Variants in TOMM6 observed in about 807,000 individuals in gnomAD.
TOMM6 encodes the protein translocase of outer mitochondrial membrane 6.
Under a neutral mutation model 6.0 loss-of-function variants are expected in TOMM6, and 6 were observed. The ratio of observed to expected loss-of-function variants is 1.00; its 90% confidence interval spans 0.55 to 1.98. The LOEUF is 1.98. Among genes scored for constraint, TOMM6 ranks in the 30% most tolerant of loss-of-function variants. The pLI is 0.00. For missense variants in TOMM6, 104 were observed against 95.3 expected, an observed-to-expected ratio of 1.09 and a Z score of -0.38; for synonymous variants, 44 against 36.3, an observed-to-expected ratio of 1.21 and a Z score of -0.76.
In TOMM6 at chr6:41,789,216, C is replaced by CA; in HGVS notation, c.129-15dup. ...CTCAGTGACCACAGGGTTAATAAAACACATTGTTTTTCCAGGAACTTGATA... is the reference window on the plus strand; with the variant it reads ...CTCAGTGACCACAGGGTTAATAAAACAACATTGTTTTTCCAGGAACTTGATA... On this transcript the variant is annotated splice_polypyrimidine_tract_variant and intron_variant, in intron 1 of 2. Transcript: ENST00000398881. 6.5e-7 allele frequency: 1 copy of CA among 1,548,862 alleles called. No homozygotes were observed. Among genetic ancestry groups the CA allele is most frequent in the Non-Finnish European group, 8.7e-7 (1 of 1,145,804 alleles).
chr6:41,788,366 G>C (rs1388883674), intron 1 of TOMM6, among the ~76,000 whole-genome samples: 1 of 142,834 alleles, frequency 7.0e-6, no homozygotes, highest in Non-Finnish European at 1.5e-5. Context: ...GGATGGTCTC[G>C]ATCTCCTGAC....
In TOMM6 at chr6:41,789,721, A is replaced by G; in HGVS notation, c.*162A>G. 1 of 215,910 alleles carries G rather than the reference A, an allele frequency of 4.6e-6. No individual in the cohort carries two copies. Among genetic ancestry groups the G allele is most frequent in the Non-Finnish European group, 9.6e-6 (1 of 103,954 alleles). The allele number at this position is 215,910 out of a possible 1,614,324, so 13.4% of individuals were successfully genotyped here. The stretch of plus-strand genomic sequence containing the variant: ...TAGTTTCCTTTTGTTCCTTGAGTCC[A>G]CGCAGAATTCCATTCTCTGGTCAGC... On this transcript the variant is annotated 3_prime_UTR_variant, in exon 3 of 3. Transcript: ENST00000398881.
At chr6:41,789,043 C>T (rs1467979930) in intron 1 of TOMM6, among the ~76,000 whole-genome samples, 189 bp from the exon 2 acceptor site, 2 of 152,260 alleles carry the variant, frequency 1.3e-5, no homozygotes, top group Non-Finnish European at 1.5e-5. Context: ...CGCGCCCAGC[C>T]TGACCTTACA....
At chr6:41,789,193 C>CA (rs1168716099) in intron 1 of TOMM6, 39 bp from the exon 2 acceptor site, 1 of 1,523,198 alleles carries the variant, frequency 6.6e-7, no homozygotes, top group East Asian at 2.5e-5. Flanking sequence ...ACAACTGACT[C>CA]AGTGACCACA....
chr6:41,789,260 G>C lies in TOMM6; in HGVS notation c.157G>C (p.Ala53Pro), dbSNP rs1259339087. Reference protein sequence around the residue: ...RNLILNLGLFAAGVWLARNLS... With the variant: ...RNLILNLGLFPAGVWLARNLS... ...CTTGATACTAAATTTGGGACTCTTT[G>C]CTGCGGGAGTTTGGCTGGCCAGGAA... The change falls in exon 2 of 3, where the codon GCT (alanine) becomes CCT (proline). Residue 53 changes from alanine to proline, a missense_variant. Ala to Pro is a conservative substitution (Grantham distance 27, BLOSUM62 -1). Coordinates refer to ENST00000398881, the MANE Select transcript of TOMM6 (RefSeq NM_001382294.1). 1.9e-6 allele frequency: 3 copies of C among 1,551,166 alleles called. No homozygotes were observed. Among genetic ancestry groups the C allele is most frequent in the African/African-American group, 1.4e-5 (1 of 73,012 alleles).
intron 1 of TOMM6, 29 bp from the exon 2 acceptor site, chr6:41,789,203 A>C (rs1213939182): frequency 3.2e-6 from 5 of 1,540,476 alleles, no homozygotes; most frequent in Non-Finnish European, 4.4e-6. Context: ...CAGTGACCAC[A>C]GGGTTAATAA....
chr6:41,788,146 GT>G (rs1363261822), intron 1 of TOMM6, among the ~76,000 whole-genome samples: 1,006 of 95,924 alleles, frequency 0.01, 1 homozygote, highest in Non-Finnish European at 0.015. Context: ...TTTCTTTTTT[GT>G]TTTTTTTTTT....
rs1297009268 is a variant in TOMM6, at chr6:41,789,351, ACAC to A, written c.*8+17_*8+19del. The A allele has an allele frequency of 6.5e-7, 1 of 1,533,038 alleles. No individual in the cohort carries two copies. 95.0% of individuals were successfully genotyped at this position (1,533,038 alleles called of 1,614,324 possible). ...TAGCCAAGTAGGTAAGCACTGAACT[ACAC>A]CCATGCGTGTCTTAGGAGACCTAGA... On this transcript the variant is annotated intron_variant, in intron 2 of 2. Transcript: ENST00000398881.
chr6:41,788,179 CTG>C (rs1561897970), intron 1 of TOMM6, among the ~76,000 whole-genome samples: 1 of 144,794 alleles, frequency 6.9e-6, no homozygotes, highest in African/African-American at 2.5e-5. Context: ...GAGTCTCACT[CTG>C]TTGCCCAGGC....
intron 1 of TOMM6, 129 bp downstream of exon 1, chr6:41,787,954 A>G: frequency 7.6e-7 from 1 of 1,322,850 alleles, no homozygotes; most frequent in Admixed American, 2.5e-5. Context: ...GCGTCTTCGT[A>G]GCTCTGGCTG....
At position 41,789,616 on chromosome 6, in the gene TOMM6, A is replaced by G. The variant is rs1054080598; in HGVS notation, c.*57A>G. On this transcript the variant is annotated 3_prime_UTR_variant, in exon 3 of 3. Coordinates refer to ENST00000398881, the MANE Select transcript of TOMM6 (RefSeq NM_001382294.1). Reference sequence around the variant, plus strand: ...CCGAATCTTCCAAAAAACAGCCTACAATCTGTGACCACCACAAGATGTGCC... The same window carrying G: ...CCGAATCTTCCAAAAAACAGCCTACGATCTGTGACCACCACAAGATGTGCC... 4 of 333,100 alleles carry G rather than the reference A, an allele frequency of 1.2e-5. No homozygotes were observed. Among genetic ancestry groups the G allele is most frequent in the Non-Finnish European group, 2.3e-5 (4 of 172,326 alleles). The allele number at this position is 333,100 out of a possible 1,614,324, so 20.6% of individuals were successfully genotyped here. A position where few individuals can be genotyped will look rare whatever the true frequency, so the allele number is the denominator to read the frequency against.
chr6:41,789,133 C>G (rs1008837193), intron 1 of TOMM6, 99 bp from the exon 2 acceptor site: 1 of 1,111,596 alleles, frequency 9.0e-7, no homozygotes, highest in East Asian at 2.6e-5. Flanking sequence ...ATCAACGCCT[C>G]GGGAAGGTGG....
At chr6:41,789,113 A>C in intron 1 of TOMM6, 119 bp from the exon 2 acceptor site, 3 of 921,126 alleles carry the variant, frequency 3.3e-6, no homozygotes, top group Non-Finnish European at 5.1e-6. Context: ...ACCTGCCGTC[A>C]CAACCACGTA....
chr6:41,787,827 T>C lies in TOMM6; in HGVS notation c.128+2T>C. 1.1e-5 allele frequency: 17 copies of C among 1,551,558 alleles called. No individual in the cohort carries two copies. The highest frequency in any genetic ancestry group is 1.4e-5 in the Non-Finnish European group (16 of 1,146,864). ...CACTGATAGGAATGACTTCCGGAGGTAACCGAGCCCGAGGAACTTGGTCCT... is the reference window on the plus strand; with the variant it reads ...CACTGATAGGAATGACTTCCGGAGGCAACCGAGCCCGAGGAACTTGGTCCT... On this transcript the variant is annotated splice_donor_variant, in intron 1 of 2. Coordinates refer to ENST00000398881, the MANE Select transcript of TOMM6 (RefSeq NM_001382294.1). LOFTEE classifies it high-confidence loss of function.
Position 41,787,793 on chromosome 6 carries a change from C to A in TOMM6, c.96C>A (p.Tyr32Ter). Residue 32 changes from tyrosine (Y) to a stop codon, truncating the protein, a stop_gained, in exon 1 of 3, where the codon TAC (tyrosine) becomes TAA (stop). Coordinates refer to ENST00000398881, the MANE Select transcript of TOMM6 (RefSeq NM_001382294.1). LOFTEE classifies it high-confidence loss of function. ...TGGGAGATTGGCTTCGGGGCGTCTA[C>A]CGCTTTGCCACTGATAGGAATGACT... ...DNVGDWLRGV[Y>*]RFATDRNDFR... The A allele has an allele frequency of 6.4e-7, 1 of 1,551,792 alleles. No homozygotes were observed.
At chr6:41,788,146 G>GT (rs1363261822) in intron 1 of TOMM6, among the ~76,000 whole-genome samples, 35,170 of 95,752 alleles carry the variant, frequency 0.37, 5,195 homozygotes, top group Middle Eastern at 0.44. Flanking sequence ...TTTCTTTTTT[G>GT]TTTTTTTTTT....
rs958816655 is a variant in TOMM6 at position 41,787,707 on chromosome 6, A to G, written c.10A>G (p.Ser4Gly). 9 of 1,551,438 alleles carry G rather than the reference A, an allele frequency of 5.8e-6. No individual in the cohort carries two copies. The highest frequency in any genetic ancestry group is 2.7e-5 in the African/African-American group (2 of 72,990). Reference protein sequence around the residue: MASSTVPVSAAGSA... With the variant: MASGTVPVSAAGSA... ...TGCGAAGCTTTCCACTATGGCTTCC[A>G]GCACTGTCCCGGTGAGCGCTGCTGG... Residue 4 changes from serine (S) to glycine (G), a missense_variant, in exon 1 of 3, where the codon AGC (serine) becomes GGC (glycine). Physicochemically the swap from Ser to Gly is moderately conservative, Grantham distance 56 (BLOSUM62 0). Coordinates refer to ENST00000398881, the MANE Select transcript of TOMM6 (RefSeq NM_001382294.1).
At position 41,789,769 on chromosome 6, in the gene TOMM6, T is replaced by C. The variant is rs1772761210; in HGVS notation, c.*210T>C. On this transcript the variant is annotated 3_prime_UTR_variant, in exon 3 of 3. Transcript: ENST00000398881. ...AGCAGACAGGCTTAAGCTAAAGTAT[T>C]GCCTCTATTCTGTAAAGTTCTGTAC... The C allele has an allele frequency of 5.4e-6, 1 of 186,332 alleles. No homozygotes were observed. The highest frequency in any genetic ancestry group is 2.3e-5 in the African/African-American group (1 of 43,226). 11.5% of individuals were successfully genotyped at this position (186,332 alleles called of 1,614,324 possible).
At position 41,787,830 on chromosome 6, in the gene TOMM6, C is replaced by T; in HGVS notation, c.128+5C>T. On this transcript the variant is annotated splice_donor_5th_base_variant and intron_variant, in intron 1 of 2. Transcript: ENST00000398881. ...TGATAGGAATGACTTCCGGAGGTAA[C>T]CGAGCCCGAGGAACTTGGTCCTTTT... 6.4e-7 allele frequency: 1 copy of T among 1,551,674 alleles called. No homozygotes were observed. Among genetic ancestry groups the T allele is most frequent in the Non-Finnish European group, 8.7e-7 (1 of 1,146,934 alleles).
Sources: allele counts gnomAD v4.1 joint callset (sites outside exome capture counted in the v4.1 genomes callset), GRCh38; gene constraint gnomAD v4.1.1; transcripts MANE v1.5; gene names NCBI Gene and HGNC (gene_info 2026-07-23, HGNC 2026-07-21).